Variants in RGS22 observed in about 807,000 individuals in gnomAD.
RGS22 encodes the protein regulator of G protein signaling 22.
RGS22 carries 148 observed loss-of-function variants against 172.9 expected under a neutral mutation model. The observed-to-expected ratio is 0.86, with a 90% CI of 0.75 to 0.98. The LOEUF (loss-of-function observed/expected upper bound fraction) is 0.98, where lower values mean the gene tolerates loss of function less well. Ranked by LOEUF, RGS22 falls within the 50% of genes least tolerant of loss-of-function variation. The probability of loss-of-function intolerance (pLI) is 0.00; values close to 1 mark genes in which losing one functional copy is unlikely to be tolerated. For synonymous variants in RGS22, 458 were observed against 480.2 expected, an observed-to-expected ratio of 0.95 and a Z score of 0.60; for missense variants, 1,347 against 1,440.8, an observed-to-expected ratio of 0.93 and a Z score of 1.05.
At chr8:99,988,982 A>T (rs1290727404) in intron 20 of RGS22, among the ~76,000 whole-genome samples, 1 of 152,188 alleles carries the variant, frequency 6.6e-6, no homozygotes, top group African/African-American at 2.4e-5. Flanking sequence ...TCTGCTTAAG[A>T]TACTAAAACT....
At chr8:100,027,655 G>T (rs1405124851) in intron 14 of RGS22, among the ~76,000 whole-genome samples, 1 of 152,018 alleles carries the variant, frequency 6.6e-6, no homozygotes, top group African/African-American at 2.4e-5. Flanking sequence ...GCTAATTTTT[G>T]TATTTTTAGT....
In RGS22 at chr8:100,061,284, G is replaced by T. The variant is rs756753597; in HGVS notation, c.1514+1307C>A. ...CCTGACAAAGATGCCAAAAGCAATT[G>T]CAACAAAAGCAAAAATTGACAAATT... On this transcript the variant is annotated intron_variant, in intron 9 of 27. Coordinates refer to ENST00000360863, the MANE Select transcript of RGS22 (RefSeq NM_015668.5). 8.0e-4 allele frequency among the ~76,000 whole-genome samples: 122 copies of T among 152,118 alleles called. 1 individual carries two copies. Among genetic ancestry groups the T allele is most frequent in the Non-Finnish European group, 1.2e-3 (79 of 68,008 alleles).
intron 6 of RGS22, among the ~76,000 whole-genome samples, chr8:100,070,768 T>C (rs1810907037): frequency 6.6e-6 from 1 of 152,176 alleles, no homozygotes; most frequent in Admixed American, 6.5e-5. Flanking sequence ...TTTGAAATCA[T>C]TTTTTCTGTT....
chr8:100,011,027 G>A (rs181541964), intron 14 of RGS22, among the ~76,000 whole-genome samples: 43 of 151,668 alleles, frequency 2.8e-4, no homozygotes, highest in African/African-American at 8.2e-4. Context: ...GATGAAAGAC[G>A]GCCCAAGCAG....
chr8:100,072,288 T>C (rs1811045269), intron 4 of RGS22, 58 bp from the exon 5 acceptor site: 2 of 1,039,418 alleles, frequency 1.9e-6, no homozygotes, highest in African/African-American at 1.6e-5. Context: ...TTTAGGATGA[T>C]TAACACCTAA....
rs117844433 is a variant in RGS22, at chr8:100,074,211, T to C, written c.340-1981A>G. Among the ~76,000 whole-genome samples, 82 of 152,318 alleles carry C rather than the reference T, an allele frequency of 5.4e-4. 1 individual carries two copies. The East Asian group carries it at 0.013, about 25-fold the overall frequency. On this transcript the variant is annotated intron_variant, in intron 4 of 27. Transcript: ENST00000360863. ...CTACAGAATTGGATTAATAAAAAATTATATTTAGATGTACAAGGCAAACAA... is the reference window on the plus strand; with the variant it reads ...CTACAGAATTGGATTAATAAAAAATCATATTTAGATGTACAAGGCAAACAA...
chr8:99,985,446 G>A (rs964620729), intron 21 of RGS22, among the ~76,000 whole-genome samples: 1 of 152,080 alleles, frequency 6.6e-6, no homozygotes, highest in African/African-American at 2.4e-5. Context: ...AGACCTCCCT[G>A]ACCTATTGTC....
intron 8 of RGS22, among the ~76,000 whole-genome samples, chr8:100,063,048 G>C (rs1284305309): frequency 6.6e-6 from 1 of 152,048 alleles, no homozygotes. Flanking sequence ...GGGAGAGTAG[G>C]TGTCTATTTT....
At chr8:100,085,556 G>C (rs1425274545) in intron 3 of RGS22, among the ~76,000 whole-genome samples, 2 of 152,198 alleles carry the variant, frequency 1.3e-5, no homozygotes, top group African/African-American at 4.8e-5. Context: ...AAAAGTTCAT[G>C]AGTCAGTTGT....
intron 4 of RGS22, among the ~76,000 whole-genome samples, chr8:100,074,933 A>G (rs1236581907): frequency 6.6e-6 from 1 of 151,756 alleles, no homozygotes; most frequent in Non-Finnish European, 1.5e-5. Context: ...ACGCCCGGCT[A>G]ATTTTTTTTT....
intron 14 of RGS22, among the ~76,000 whole-genome samples, chr8:100,025,220 G>A (rs960349376): frequency 2.0e-5 from 3 of 152,084 alleles, no homozygotes; most frequent in South Asian, 2.1e-4. Context: ...GACAAAATGC[G>A]ATGCAACACG....
At chr8:100,030,193 A>G (rs1429585044) in intron 14 of RGS22, among the ~76,000 whole-genome samples, 1 of 152,238 alleles carries the variant, frequency 6.6e-6, no homozygotes, top group African/African-American at 2.4e-5. Flanking sequence ...ACTGTAGCAC[A>G]TGTATTACTC....
intron 10 of RGS22, among the ~76,000 whole-genome samples, chr8:100,049,751 T>C (rs1399964218): frequency 6.6e-6 from 1 of 152,068 alleles, no homozygotes; most frequent in African/African-American, 2.4e-5. Flanking sequence ...GAGAGCTTGT[T>C]AGAAATGCAA....
In RGS22 at chr8:100,052,983, A is replaced by G. The variant is rs1419122693; in HGVS notation, c.1515-7T>C. 1.9e-6 allele frequency: 3 copies of G among 1,612,210 alleles called. No homozygotes were observed. Among genetic ancestry groups the G allele is most frequent in the East Asian group, 2.2e-5 (1 of 44,826 alleles). On this transcript the variant is annotated splice_region_variant and splice_polypyrimidine_tract_variant and intron_variant, in intron 9 of 27. Coordinates refer to ENST00000360863, the MANE Select transcript of RGS22 (RefSeq NM_015668.5). ...AACACAGAATCTTGGTGCCCTGTTTATTGGAAAAATAAATGTAAGATTGAA... is the reference window on the plus strand; with the variant it reads ...AACACAGAATCTTGGTGCCCTGTTTGTTGGAAAAATAAATGTAAGATTGAA...
intron 10 of RGS22, among the ~76,000 whole-genome samples, chr8:100,050,050 CAA>C (rs35540779): frequency 2.0e-4 from 26 of 131,768 alleles, no homozygotes; most frequent in Admixed American, 3.9e-4. Context: ...ACTCCATCTC[CAA>C]AAAAAAAAAA....
chr8:100,033,684 C>T (rs1010868498), intron 14 of RGS22, among the ~76,000 whole-genome samples: 1 of 152,070 alleles, frequency 6.6e-6, no homozygotes, highest in Non-Finnish European at 1.5e-5. Flanking sequence ...TTTAGACCAA[C>T]ATCTCTGACA....
At chr8:100,065,376 A>T (rs1810467346) in intron 7 of RGS22, among the ~76,000 whole-genome samples, 1 of 152,194 alleles carries the variant, frequency 6.6e-6, no homozygotes, top group Admixed American at 6.5e-5. Context: ...ATTTTGGGAA[A>T]ACAACAAGAA....
At chr8:99,967,148 G>A (rs1280842460) in intron 23 of RGS22, among the ~76,000 whole-genome samples, 3 of 152,122 alleles carry the variant, frequency 2.0e-5, no homozygotes, top group African/African-American at 7.2e-5. Context: ...CCTAGCCAAG[G>A]GAAGCCATGA....
intron 16 of RGS22, 67 bp from the exon 17 acceptor site, chr8:100,004,165 A>G: frequency 1.4e-6 from 2 of 1,444,762 alleles, no homozygotes; most frequent in Admixed American, 4.9e-5. Context: ...TTTTAAGTAG[A>G]GAAACTGAAA....
Sources: gnomAD v4.1 joint callset for allele counts (sites outside exome capture counted in the v4.1 genomes callset) on GRCh38, gnomAD v4.1.1 for gene constraint, MANE v1.5 for transcripts, NCBI Gene and HGNC (gene_info 2026-07-23, HGNC 2026-07-21) for gene names.